The following KHDRBS2 variants were observed in gnomAD, a reference collection of about 807,000 sequenced individuals.
KHDRBS2 encodes the protein KH RNA binding domain containing, signal transduction associated 2.
In KHDRBS2, 26 loss-of-function variants were observed where a neutral mutation model predicts 44.3. That is an observed-to-expected ratio of 0.59 (90% CI 0.43 to 0.81). The LOEUF (loss-of-function observed/expected upper bound fraction) is 0.81. Ranked by LOEUF, KHDRBS2 falls within the 40% of genes least tolerant of loss-of-function variation. The probability of loss-of-function intolerance (pLI) is 0.00; values close to 1 mark genes in which losing one functional copy is unlikely to be tolerated. For synonymous variants in KHDRBS2, 194 were observed against 151.1 expected (o/e 1.28, Z -2.08); for missense variants, 476 against 433.1 (o/e 1.10, Z -0.88).
chr6:62,000,694 C>T (rs1416545996), intron 3 of KHDRBS2, among the ~76,000 whole-genome samples: 1 of 152,016 alleles, frequency 6.6e-6, no homozygotes, highest in Non-Finnish European at 1.5e-5. Flanking sequence ...TGGCACTTGG[C>T]AAGATTTATA....
chr6:61,672,566 T>C, the KHDRBS2 span, among the ~76,000 whole-genome samples: 1 of 150,954 alleles, frequency 6.6e-6, no homozygotes, highest in Non-Finnish European at 1.5e-5. Flanking sequence ...TATCTCATTG[T>C]GGTTTTGATT....
At chr6:61,852,951 T>A (rs767610706) in intron 6 of KHDRBS2, among the ~76,000 whole-genome samples, 1 of 152,196 alleles carries the variant, frequency 6.6e-6, no homozygotes, top group Non-Finnish European at 1.5e-5. Context: ...CCTAACCATT[T>A]AAGCTAGAAC....
intron 1 of KHDRBS2, among the ~76,000 whole-genome samples, chr6:62,193,238 C>T (rs1290068993): frequency 2.6e-5 from 4 of 151,994 alleles, no homozygotes; most frequent in Non-Finnish European, 5.9e-5. Context: ...GATTGTTCCT[C>T]TGTTAAATTT....
At chr6:61,903,917 C>G (rs186243972) in intron 4 of KHDRBS2, among the ~76,000 whole-genome samples, 2 of 152,320 alleles carry the variant, frequency 1.3e-5, no homozygotes, top group Admixed American at 1.3e-4. Context: ...ATATCCTAAG[C>G]CATCCTGTCC....
At chr6:61,643,696 C>A in the KHDRBS2 span, among the ~76,000 whole-genome samples, 33 of 152,074 alleles carry the variant, frequency 2.2e-4, no homozygotes, top group Admixed American at 2.2e-3. Context: ...GAACACAATC[C>A]CATTCATAAT....
At chr6:62,271,312 T>C (rs1331959777) in intron 1 of KHDRBS2, among the ~76,000 whole-genome samples, 1 of 152,124 alleles carries the variant, frequency 6.6e-6, no homozygotes, top group East Asian at 1.9e-4. Flanking sequence ...TCTAGCACAA[T>C]GCATTACTCA....
chr6:61,807,106 A>G (rs1317062133), intron 6 of KHDRBS2, among the ~76,000 whole-genome samples: 1 of 152,134 alleles, frequency 6.6e-6, no homozygotes, highest in Admixed American at 6.6e-5. Context: ...GCAAAATGCA[A>G]ATCAAAACCA....
At chr6:62,047,835 T>C (rs753377754) in intron 3 of KHDRBS2, 43 bp downstream of exon 3, 8 of 1,279,236 alleles carry the variant, frequency 6.3e-6, no homozygotes, top group Non-Finnish European at 8.0e-6. Context: ...GTGTTATAGG[T>C]AACCTCCTGA....
chr6:62,181,974 C>T (rs541292770), intron 1 of KHDRBS2, among the ~76,000 whole-genome samples: 1 of 151,982 alleles, frequency 6.6e-6, no homozygotes, highest in South Asian at 2.1e-4. Context: ...AACTTCAGAG[C>T]TATGATAAAT....
chr6:61,884,942 T>G (rs777576430), intron 6 of KHDRBS2, among the ~76,000 whole-genome samples: 1 of 152,072 alleles, frequency 6.6e-6, no homozygotes, highest in Non-Finnish European at 1.5e-5. Flanking sequence ...AATTATATAA[T>G]TTTGCATTCC....
At chr6:62,277,244 C>T (rs950067311) in intron 1 of KHDRBS2, among the ~76,000 whole-genome samples, 7 of 151,974 alleles carry the variant, frequency 4.6e-5, no homozygotes, top group Non-Finnish European at 8.8e-5. Context: ...AGTTGAATCC[C>T]CTATAGATTA....
chr6:61,718,846 T>A (rs533362783), intron 7 of KHDRBS2, among the ~76,000 whole-genome samples: 1 of 152,108 alleles, frequency 6.6e-6, no homozygotes, highest in African/African-American at 2.4e-5. Flanking sequence ...CTGAAAATAG[T>A]TCCCTGGTTA....
At chr6:61,590,250 C>G in the KHDRBS2 span, among the ~76,000 whole-genome samples, 1 of 152,046 alleles carries the variant, frequency 6.6e-6, no homozygotes, top group African/African-American at 2.4e-5. Context: ...TTTTATGATG[C>G]AGAATTTCTT....
At chr6:62,238,754 T>A (rs1477042577) in intron 1 of KHDRBS2, among the ~76,000 whole-genome samples, 1 of 151,306 alleles carries the variant, frequency 6.6e-6, no homozygotes, top group East Asian at 1.9e-4. Context: ...AAACTAACAG[T>A]CCACAGATTA....
the KHDRBS2 span, among the ~76,000 whole-genome samples, chr6:61,564,132 T>G: frequency 6.6e-6 from 1 of 152,104 alleles, no homozygotes; most frequent in Non-Finnish European, 1.5e-5. Context: ...AAACAAATTT[T>G]TCTCAAAATC....
the KHDRBS2 span, among the ~76,000 whole-genome samples, chr6:61,635,228 T>C: frequency 1.3e-5 from 2 of 152,008 alleles, no homozygotes; most frequent in Non-Finnish European, 2.9e-5. Flanking sequence ...TACCAGCCCA[T>C]TGGTAAACAA....
chr6:62,140,246 C>T (rs769229864), intron 2 of KHDRBS2, among the ~76,000 whole-genome samples: 1 of 152,032 alleles, frequency 6.6e-6, no homozygotes, highest in Non-Finnish European at 1.5e-5. Flanking sequence ...ATTGTAAGCA[C>T]CCCATGAAAA....
the KHDRBS2 span, among the ~76,000 whole-genome samples, chr6:61,566,521 A>C: frequency 6.6e-6 from 1 of 152,136 alleles, no homozygotes; most frequent in African/African-American, 2.4e-5. Flanking sequence ...ATTTATAATT[A>C]TTATGTAATC....
intron 4 of KHDRBS2, among the ~76,000 whole-genome samples, chr6:61,957,671 C>A (rs1767707651): frequency 2.0e-5 from 3 of 152,260 alleles, no homozygotes; most frequent in Middle Eastern, 3.4e-3. Context: ...TTATCAATGA[C>A]AATGTGTGCC....
Sources: allele counts gnomAD v4.1 joint callset (sites outside exome capture counted in the v4.1 genomes callset), GRCh38; gene constraint gnomAD v4.1.1; transcripts MANE v1.5; gene names NCBI Gene and HGNC (gene_info 2026-07-23, HGNC 2026-07-21).